The following SGSH variants were observed in gnomAD, a reference collection of about 807,000 sequenced individuals.
SGSH encodes N-sulfoglucosamine sulfohydrolase.
Under a neutral mutation model 51.0 loss-of-function variants are expected in SGSH, and 48 were observed. The ratio of observed to expected loss-of-function variants is 0.94; its 90% CI spans 0.75 to 1.20. The LOEUF (loss-of-function observed/expected upper bound fraction) is 1.20, where lower values mean the gene tolerates loss of function less well. SGSH is among the 50% of genes most tolerant of loss of function. SGSH has a pLI of 0.00. For missense variants in SGSH, 662 were observed against 717.8 expected (o/e 0.92, Z 0.89); for synonymous variants, 321 against 313.4 (o/e 1.02, Z -0.26).
At chr17:80,207,058 T>C (rs1330798103), downstream of SGSH, 3 of 1,613,854 alleles carry the variant, frequency 1.9e-6, no homozygotes, top group Middle Eastern at 1.7e-4. Flanking sequence ...CACGTCTCTG[T>C]CAACGAGAAG....
At chr17:80,214,378 G>A (rs950517437) in intron 4 of SGSH, 50 bp from the exon 5 acceptor site, 3 of 1,590,744 alleles carry the variant, frequency 1.9e-6, no homozygotes, top group African/African-American at 2.7e-5. Context: ...CTGCCACGTG[G>A]CACAGGAAGC....
chr17:80,220,021 C>T lies in SGSH; in HGVS notation c.88+205G>A, dbSNP rs556147722. The T allele has an allele frequency of 1.9e-4, 91 of 485,288 alleles. No homozygotes were observed. In the East Asian group the frequency reaches 3.0e-3, roughly 16 times the overall value. The allele number at this position is 485,288 out of a possible 1,614,324, so 30.1% of individuals were successfully genotyped here. A position where few individuals can be genotyped will look rare whatever the true frequency, so the allele number is the denominator to read the frequency against. ...TAGGGGTGCTGGATGCTGGGGCTCACTCCTCCAGCCTTTGCTGCCCTCTCT... is the reference window on the plus strand; with the variant it reads ...TAGGGGTGCTGGATGCTGGGGCTCATTCCTCCAGCCTTTGCTGCCCTCTCT... On this transcript the variant is annotated intron_variant, in intron 1 of 7. Coordinates refer to ENST00000326317, the MANE Select transcript of SGSH (RefSeq NM_000199.5).
chr17:80,202,394 G>T, downstream of SGSH: 3 of 1,612,880 alleles, frequency 1.9e-6, no homozygotes, highest in Non-Finnish European at 2.5e-6. Flanking sequence ...ATACTGCCGC[G>T]CACGGCACCA....
At chr17:80,203,917 T>TG, downstream of SGSH, 1 of 1,541,952 alleles carries the variant, frequency 6.5e-7, no homozygotes. This position sits in a 1 kb window ranked among gnomAD's most constrained non-coding sequence, Gnocchi z 4.6. Flanking sequence ...TGGACCCCAC[T>TG]GGGGTGGGCT....
chr17:80,209,443 C>T lies in SGSH; in HGVS notation c.*1009G>A, dbSNP rs938495313. The T allele has an allele frequency of 7.1e-6, 7 of 985,374 alleles. No individual in the cohort carries two copies. The highest frequency in any genetic ancestry group is 9.4e-5 in the South Asian group (2 of 21,298). The allele number at this position is 985,374 out of a possible 1,614,324, so 61.0% of individuals were successfully genotyped here. A position where few individuals can be genotyped will look rare whatever the true frequency, so the allele number is the denominator to read the frequency against. ...CCTCTCCTTCGAGGGGTGTCCAGGC[C>T]GAGGGGTGTCCAGGCCGGGCTTCTG... is the stretch of plus-strand genomic sequence containing the variant. On this transcript the variant is annotated 3_prime_UTR_variant, in exon 8 of 8. Transcript: ENST00000326317.
chr17:80,204,525 G>A, downstream of SGSH: 1 of 536,154 alleles, frequency 1.9e-6, no homozygotes, highest in Non-Finnish European at 3.2e-6. Context: ...TCGGGAGGCT[G>A]AGGCAGGAGA....
intron 7 of SGSH, chr17:80,211,716 G>T: frequency 2.2e-5 from 8 of 371,400 alleles, no homozygotes; most frequent in South Asian, 1.8e-4. Flanking sequence ...TCTTGAGCCC[G>T]CCAAGATCTA....
chr17:80,203,796 G>C, downstream of SGSH: 2 of 1,551,900 alleles, frequency 1.3e-6, no homozygotes, highest in Non-Finnish European at 1.7e-6. The surrounding 1 kb of genome is among the most constrained non-coding windows in gnomAD (Gnocchi z 4.6). Context: ...AGGCAGCTGG[G>C]TCAGGGCCTC....
At chr17:80,201,355 C>T in the SGSH span, 20 of 196,002 alleles carry the variant, frequency 1.0e-4, no homozygotes, top group South Asian at 8.1e-4. This position sits in a 1 kb window ranked among gnomAD's most constrained non-coding sequence, Gnocchi z 5.0. Flanking sequence ...CTGTAGGGCC[C>T]GGTATAGCCC....
intron 2 of SGSH, among the ~76,000 whole-genome samples, chr17:80,215,971 G>A (rs188768004): frequency 1.3e-5 from 2 of 152,192 alleles, no homozygotes; most frequent in East Asian, 3.9e-4. Flanking sequence ...GAAGAGGAGG[G>A]AAGTTCTGAC....
rs766980170 is a variant in SGSH, at chr17:80,213,878, TA to T, written c.670del (p.Tyr224ThrfsTer40). On this transcript the variant is annotated frameshift_variant, in exon 6 of 8. Coordinates refer to ENST00000326317, the MANE Select transcript of SGSH (RefSeq NM_000199.5). LOFTEE classifies it high-confidence loss of function. The surrounding 1 kb of genome is among the most constrained non-coding windows in gnomAD (Gnocchi z 4.6). ...AYDPLDVLVPYFVPNTPAARA... is the reference protein window; with the variant it reads ...AYDPLDVLVPXFVPNTPAARA... Reference sequence around the variant, plus strand: ...GGCTGCCGGGGTGTTGGGGACGAAGTAAGGCACCTGGGGCAGGCGGTGGGGA... The same window carrying T: ...GGCTGCCGGGGTGTTGGGGACGAAGTAGGCACCTGGGGCAGGCGGTGGGGA... 3.1e-6 allele frequency: 5 copies of T among 1,607,582 alleles called. No individual in the cohort carries two copies. Among genetic ancestry groups the T allele is most frequent in the Non-Finnish European group, 4.2e-6 (5 of 1,179,216 alleles).
At chr17:80,215,011 G>A (rs1386125907) in intron 3 of SGSH, 22 bp downstream of exon 3, 1 of 1,595,560 alleles carries the variant, frequency 6.3e-7, no homozygotes, top group South Asian at 1.1e-5. Flanking sequence ...CCCACGCCCT[G>A]TCCTCGGCAC....
Position 80,210,519 on chromosome 17 carries a change from C to T in SGSH, c.1442G>A (p.Cys481Tyr). ...CTCCTCCAGGACGCCGTCGGGGGCG[C>T]ACACCCAGGGGTCGTGGGTCTCCCA... ...WQWETHDPWVCAPDGVLEEKL... is the reference protein window; with the variant it reads ...WQWETHDPWVYAPDGVLEEKL... The change falls in exon 8 of 8, where the codon TGC (cysteine) becomes TAC (tyrosine). Residue 481 changes from cysteine (C) to tyrosine (Y), a missense_variant. Transcript: ENST00000326317. 6.2e-7 allele frequency: 1 copy of T among 1,610,332 alleles called. No homozygotes were observed. The highest frequency in any genetic ancestry group is 8.5e-7 in the Non-Finnish European group (1 of 1,179,604).
downstream of SGSH, among the ~76,000 whole-genome samples, chr17:80,207,423 C>T (rs888158546): frequency 5.9e-5 from 9 of 152,218 alleles, no homozygotes; most frequent in Middle Eastern, 6.8e-3. Context: ...TGGCGGCGGG[C>T]GCCTGTAATC....
chr17:80,209,046 C>A (rs2041512196), downstream of SGSH: 1 of 152,848 alleles, frequency 6.5e-6, no homozygotes, highest in African/African-American at 2.4e-5. Flanking sequence ...GGCACCAGTA[C>A]CCCCGTACAA....
At position 80,217,179 on chromosome 17, in the gene SGSH, G is replaced by A; in HGVS notation, c.102C>T (p.Gly34=). Residue 34 remains glycine (G), a synonymous_variant, in exon 2 of 8, where the codon GGC becomes GGT. Coordinates refer to ENST00000326317, the MANE Select transcript of SGSH (RefSeq NM_000199.5). ...NALLLLADDG[G]FESGAYNNSA... ...TGTTGTTGTACGCGCCACTCTCAAA[G>A]CCTCCGTCATCCGCTGCGTGAGGTG... The A allele has an allele frequency of 6.2e-7, 1 of 1,600,908 alleles. No homozygotes were observed. Among genetic ancestry groups the A allele is most frequent in the Non-Finnish European group, 8.5e-7 (1 of 1,177,264 alleles).
In SGSH at chr17:80,214,712, CAA is replaced by C. The variant is rs754004591; in HGVS notation, c.407_408del (p.Phe136CysfsTer18). 2 of 1,613,270 alleles carry C rather than the reference CAA, an allele frequency of 1.2e-6. No homozygotes were observed. The highest frequency in any genetic ancestry group is 1.7e-5 in the Admixed American group (1 of 60,032). The part of the protein sequence containing the change: ...VGPETVYPFD[F>X]AYTEENGSVL... Reference sequence around the variant, plus strand: ...ACGGAGCCATTCTCCTCCGTGTACGCAAAGTCAAACGGGTACACGGTCTCCGG... The same window carrying C: ...ACGGAGCCATTCTCCTCCGTGTACGCAGTCAAACGGGTACACGGTCTCCGG... On this transcript the variant is annotated frameshift_variant, in exon 4 of 8. Coordinates refer to ENST00000326317, the MANE Select transcript of SGSH (RefSeq NM_000199.5). LOFTEE classifies it high-confidence loss of function.
chr17:80,205,194 A>G (rs749459233), downstream of SGSH: 4 of 1,612,166 alleles, frequency 2.5e-6, no homozygotes, highest in Admixed American at 1.7e-5. Context: ...GGGTTTAAGA[A>G]GTGCCTGGCA....
chr17:80,203,937 G>T (rs907479920), downstream of SGSH: 2 of 1,441,850 alleles, frequency 1.4e-6, no homozygotes, highest in African/African-American at 1.4e-5. The surrounding 1 kb of genome is among the most constrained non-coding windows in gnomAD (Gnocchi z 4.6). Context: ...TGGAAGAGGG[G>T]CTCGGTGCTG....
Sources: allele counts gnomAD v4.1 joint callset (sites outside exome capture counted in the v4.1 genomes callset), GRCh38; gene constraint gnomAD v4.1.1; non-coding constraint Gnocchi (gnomAD v3.1); transcripts MANE v1.5; gene names NCBI Gene and HGNC (gene_info 2026-07-23, HGNC 2026-07-21).